ZP2: variants seen among roughly 807,000 people sequenced by gnomAD.
ZP2 encodes the protein zona pellucida sperm-binding protein 2.
In ZP2, 51 loss-of-function variants were observed where a neutral mutation model predicts 84.0. That is an observed-to-expected ratio of 0.61 (90% CI 0.49 to 0.77). ZP2 has a LOEUF of 0.77. Ranked by LOEUF, ZP2 falls within the 30% of genes least tolerant of loss-of-function variation. The probability of loss-of-function intolerance (pLI) is 0.00; values close to 1 mark genes in which losing one functional copy is unlikely to be tolerated. For missense variants in ZP2, 909 were observed against 911.9 expected (o/e 1.00, Z 0.04); for synonymous variants, 375 against 330.9 (o/e 1.13, Z -1.45).
Position 21,201,792 on chromosome 16 carries a change from A to G in ZP2, c.1418T>C (p.Leu473Pro). ...AAGGCTTTCAACGTTGATGTTTAGT[A>G]GCATGTCATTCCTGCTATAAGAACA... ...VKCSYSRNDM[L>P]LNINVESLTP... Residue 473 changes from leucine to proline, a missense_variant, in exon 13 of 19, where the codon CTA (leucine) becomes CCA (proline). Leu to Pro is a moderately conservative substitution (Grantham distance 98). Coordinates refer to ENST00000574091, the MANE Select transcript of ZP2 (RefSeq NM_001376232.1). The G allele has an allele frequency of 6.2e-7, 1 of 1,614,164 alleles. No homozygotes were observed. The highest frequency in any genetic ancestry group is 8.5e-7 in the Non-Finnish European group (1 of 1,180,026).
rs754065640 is a variant in ZP2 at position 21,211,569 on chromosome 16, A to C, written c.-22T>G. ...CCATAGCAGAAGACACTACCAGATC[A>C]ACCAGGTAGAGGGTAGGCTGCTCTG... On this transcript the variant is annotated 5_prime_UTR_variant, in exon 1 of 19. Coordinates refer to ENST00000574091, the MANE Select transcript of ZP2 (RefSeq NM_001376232.1). 6.2e-7 allele frequency: 1 copy of C among 1,613,908 alleles called. No homozygotes were observed. The highest frequency in any genetic ancestry group is 8.5e-7 in the Non-Finnish European group (1 of 1,180,028).
At chr16:21,200,369 C>T (rs948178258) in intron 14 of ZP2, among the ~76,000 whole-genome samples, 36 of 152,248 alleles carry the variant, frequency 2.4e-4, no homozygotes, top group Middle Eastern at 6.8e-3. Flanking sequence ...ATCTGGGAGG[C>T]GGAGGTTGCA....
chr16:21,200,733 C>T (rs540294679), intron 14 of ZP2, among the ~76,000 whole-genome samples: 11 of 152,162 alleles, frequency 7.2e-5, no homozygotes, highest in African/African-American at 1.9e-4. Context: ...TCATGAAAGA[C>T]GAAGACTAGT....
At chr16:21,213,937 C>A (rs1032589888), upstream of ZP2, among the ~76,000 whole-genome samples, 18 of 151,754 alleles carry the variant, frequency 1.2e-4, no homozygotes, top group Admixed American at 3.3e-4. Context: ...AGACTCAGAG[C>A]CCTATTGAGA....
chr16:21,201,284 C>T, intron 14 of ZP2, 85 bp downstream of exon 14: 4 of 1,239,646 alleles, frequency 3.2e-6, no homozygotes, highest in South Asian at 1.9e-5. Context: ...CTGAATGCTG[C>T]TCTAAAGCCC....
In ZP2 at chr16:21,206,966, T is replaced by C. The variant is rs766258135; in HGVS notation, c.355A>G (p.Arg119Gly). The C allele has an allele frequency of 7.4e-6, 12 of 1,614,182 alleles. No individual in the cohort carries two copies. Among genetic ancestry groups the C allele is most frequent in the Non-Finnish European group, 1.0e-5 (12 of 1,180,020 alleles). ...AAGGCAGCACTGTTGTTCATGACTC[T>C]GATGGTCATCTGGTGTCCACCATGC... ...RVHGGHQMTIRVMNNSAALRH... is the reference protein window; with the variant it reads ...RVHGGHQMTIGVMNNSAALRH... The change falls in exon 5 of 19, where the codon AGA (arginine) becomes GGA (glycine). Residue 119 changes from arginine to glycine, a missense_variant. Physicochemically the swap from Arg to Gly is moderately radical, Grantham distance 125 (BLOSUM62 -2). Transcript: ENST00000574091.
intron 7 of ZP2, among the ~76,000 whole-genome samples, chr16:21,205,212 T>C (rs1331146426): frequency 3.9e-5 from 6 of 152,280 alleles, no homozygotes; most frequent in African/African-American, 1.2e-4. Flanking sequence ...GGGCTGGTCT[T>C]GAACTCCTGA....
chr16:21,214,294 T>C, upstream of ZP2: 4 of 985,344 alleles, frequency 4.1e-6, no homozygotes, highest in Non-Finnish European at 3.6e-6. Context: ...GGAGCATCCA[T>C]GTCTAGGATT....
chr16:21,201,874 TA>T, intron 12 of ZP2, 44 bp from the exon 13 acceptor site: 2 of 1,612,722 alleles, frequency 1.2e-6, no homozygotes, highest in Non-Finnish European at 1.7e-6. Flanking sequence ...AATTTCAGGT[TA>T]AAAAATTGCT....
Position 21,206,820 on chromosome 16 carries a change from T to C in ZP2, c.483+18A>G, listed in dbSNP as rs774538127. 1.9e-6 allele frequency: 3 copies of C among 1,613,994 alleles called. No homozygotes were observed. In the South Asian group the frequency reaches 3.3e-5, roughly 18 times the overall value. On this transcript the variant is annotated intron_variant, in intron 5 of 18. Transcript: ENST00000574091. ...TGCAGTAGCCATATACCCCGAGCAG[T>C]CAGCCCGTTTCACTCACAGACATGA...
At chr16:21,203,316 C>T in intron 9 of ZP2, 65 bp from the exon 10 acceptor site, 2 of 1,597,760 alleles carry the variant, frequency 1.3e-6, no homozygotes, top group South Asian at 2.2e-5. Flanking sequence ...CACAGGGAGG[C>T]AGGAAGCAAG....
rs768677584 is a variant in ZP2 at position 21,199,856 on chromosome 16, A to G, written c.1717T>C (p.Tyr573His). ...CCGACTGGATGGAAGGTGGTCTGGTAGTTGTCCAGGTCATATGCACAGCTA... is the reference window on the plus strand; with the variant it reads ...CCGACTGGATGGAAGGTGGTCTGGTGGTTGTCCAGGTCATATGCACAGCTA... Reference protein sequence around the residue: ...VDGCAYDLDNYQTTFHPVGSS... With the variant: ...VDGCAYDLDNHQTTFHPVGSS... Residue 573 changes from tyrosine (Y) to histidine (H), a missense_variant, in exon 15 of 19, where the codon TAC becomes CAC. Physicochemically the swap from Tyr to His is moderately conservative, Grantham distance 83. Coordinates refer to ENST00000574091, the MANE Select transcript of ZP2 (RefSeq NM_001376232.1). The G allele has an allele frequency of 3.8e-5, 62 of 1,612,628 alleles. No homozygotes were observed. In the Admixed American group the frequency reaches 4.7e-4, roughly 12 times the overall value.
rs2093274463 is a variant in ZP2, at chr16:21,211,387, C to T, written c.71G>A (p.Arg24Lys). 1 of 1,614,134 alleles carries T rather than the reference C, an allele frequency of 6.2e-7. No individual in the cohort carries two copies. Among genetic ancestry groups the T allele is most frequent in the Non-Finnish European group, 8.5e-7 (1 of 1,180,022 alleles). The change falls in exon 2 of 19, where the codon AGG becomes AAG. Residue 24 changes from arginine to lysine, a missense_variant. Physicochemically the swap from Arg to Lys is conservative, Grantham distance 26. Transcript: ENST00000574091. ...GWFNAGWSTY[R>K]SISLFFALVT... Reference sequence around the variant, plus strand: ...AAGGGCGAAGAAGAGAGAAATCGACCTGTAGGTGCTGGAAAGAGACAGGGA... The same window carrying T: ...AAGGGCGAAGAAGAGAGAAATCGACTTGTAGGTGCTGGAAAGAGACAGGGA...
At chr16:21,199,485 A>ATTTATT (rs1168012755) in intron 16 of ZP2, 85 bp downstream of exon 16, 1 of 1,218,754 alleles carries the variant, frequency 8.2e-7, no homozygotes, top group African/African-American at 1.5e-5. Flanking sequence ...AGTATGAGTT[A>ATTTATT]TACCAGTCCT....
Position 21,207,010 on chromosome 16 carries a change from TGG to T in ZP2, c.331-22_331-21del, listed in dbSNP as rs2093253087. The T allele has an allele frequency of 6.2e-7, 1 of 1,613,804 alleles. No homozygotes were observed. The highest frequency in any genetic ancestry group is 1.1e-5 in the South Asian group (1 of 91,084). On this transcript the variant is annotated intron_variant, in intron 4 of 18. Coordinates refer to ENST00000574091, the MANE Select transcript of ZP2 (RefSeq NM_001376232.1). Reference sequence around the variant, plus strand: ...ACCATGCTGTGTACAGATAGCACAGTGGGAACAGAGTAAGTACTGTACCCCCA... The same window carrying T: ...ACCATGCTGTGTACAGATAGCACAGTGAACAGAGTAAGTACTGTACCCCCA...
intron 2 of ZP2, 40 bp from the exon 3 acceptor site, chr16:21,210,232 A>T: frequency 6.6e-7 from 1 of 1,519,610 alleles, no homozygotes; most frequent in Non-Finnish European, 9.1e-7. Context: ...TTGAGTCATG[A>T]GTGATGCAAC....
chr16:21,203,239 A>G lies in ZP2; in HGVS notation c.985T>C (p.Cys329Arg), dbSNP rs1567213744. 1 of 1,613,688 alleles carries G rather than the reference A, an allele frequency of 6.2e-7. No homozygotes were observed. The highest frequency in any genetic ancestry group is 1.1e-5 in the South Asian group (1 of 91,052). The change falls in exon 10 of 19, where the codon TGC becomes CGC. Residue 329 changes from cysteine to arginine, a missense_variant. Coordinates refer to ENST00000574091, the MANE Select transcript of ZP2 (RefSeq NM_001376232.1). ...GCTAAGTAGAACTGATGGAGTAGGCATTTTTCAGATAACTGAAATGAGAAA... is the reference window on the plus strand; with the variant it reads ...GCTAAGTAGAACTGATGGAGTAGGCGTTTTTCAGATAACTGAAATGAGAAA... ...TLLKTKLSEK[C>R]LLHQFYLASL...
chr16:21,197,644 G>A lies in ZP2; in HGVS notation c.2096-22C>T. On this transcript the variant is annotated intron_variant, in intron 18 of 18. Coordinates refer to ENST00000574091, the MANE Select transcript of ZP2 (RefSeq NM_001376232.1). Reference sequence around the variant, plus strand: ...GCACCTACAAAGGAAGCAGACATTTGAGTCTTAAGTATTTTTAAATAAGGG... The same window carrying A: ...GCACCTACAAAGGAAGCAGACATTTAAGTCTTAAGTATTTTTAAATAAGGG... The A allele has an allele frequency of 4.3e-6, 7 of 1,613,980 alleles. No homozygotes were observed. The South Asian group carries it at 5.5e-5, about 13-fold the overall frequency.
rs376569970 is a variant in ZP2, at chr16:21,206,827, G to A, written c.483+11C>T. The A allele has an allele frequency of 4.0e-5, 65 of 1,613,910 alleles. No individual in the cohort carries two copies. Among genetic ancestry groups the A allele is most frequent in the South Asian group, 5.5e-5 (5 of 91,076 alleles). ...GCCATATACCCCGAGCAGTCAGCCCGTTTCACTCACAGACATGAAATCCTT... is the reference window on the plus strand; with the variant it reads ...GCCATATACCCCGAGCAGTCAGCCCATTTCACTCACAGACATGAAATCCTT... On this transcript the variant is annotated intron_variant, in intron 5 of 18. Transcript: ENST00000574091.
Sources: allele counts gnomAD v4.1 joint callset (sites outside exome capture counted in the v4.1 genomes callset), GRCh38; gene constraint gnomAD v4.1.1; transcripts MANE v1.5; gene names NCBI Gene and HGNC (gene_info 2026-07-23, HGNC 2026-07-21).